The following LARP4 variants were observed in gnomAD, a reference collection of about 807,000 sequenced individuals.
LARP4 encodes the protein La ribonucleoprotein 4, also known as la-related protein 4.
Under a neutral mutation model 92.9 loss-of-function variants are expected in LARP4, and 29 were observed. The observed-to-expected ratio is 0.31, with a 90% CI of 0.23 to 0.43. LARP4 has a LOEUF of 0.43. Ranked by LOEUF, LARP4 falls within the 20% of genes least tolerant of loss-of-function variation. The pLI is 1.00. For missense variants in LARP4, 732 were observed against 860.0 expected (o/e 0.85, Z 1.86); for synonymous variants, 279 against 284.1 (o/e 0.98, Z 0.18).
chr12:50,457,113 A>C (rs1954410575), intron 10 of LARP4, among the ~76,000 whole-genome samples: 1 of 151,366 alleles, frequency 6.6e-6, no homozygotes, highest in East Asian at 1.9e-4. Flanking sequence ...CATGTTGGCC[A>C]GGATGGTCTC....
intron 2 of LARP4, among the ~76,000 whole-genome samples, chr12:50,428,153 C>T (rs925498277): frequency 7.2e-5 from 11 of 151,914 alleles, no homozygotes; most frequent in African/African-American, 2.7e-4. Context: ...CTGGCTTTAT[C>T]TCATGCCTGT....
chr12:50,445,737 T>A (rs1951905379), intron 8 of LARP4, among the ~76,000 whole-genome samples: 1 of 152,184 alleles, frequency 6.6e-6, no homozygotes, highest in African/African-American at 2.4e-5. Context: ...CAGTGAATAT[T>A]TTAGATGCTG....
At chr12:50,473,922 T>TA (rs1360819914) in intron 14 of LARP4, 77 bp from the exon 15 acceptor site, 13 of 1,311,016 alleles carry the variant, frequency 9.9e-6, no homozygotes, top group Admixed American at 6.3e-5. Context: ...AAAAAAAAAT[T>TA]ACGTTTTCTT....
chr12:50,452,327 G>C lies in LARP4; in HGVS notation c.805-1133G>C, dbSNP rs141855220. ...CTTCCAAGTAGCTGGGATTACAGGCGTGTGCCACCATGCCCAGCTGATTTT... is the reference window on the plus strand; with the variant it reads ...CTTCCAAGTAGCTGGGATTACAGGCCTGTGCCACCATGCCCAGCTGATTTT... On this transcript the variant is annotated intron_variant, in intron 8 of 15. Coordinates refer to ENST00000398473, the MANE Select transcript of LARP4 (RefSeq NM_052879.5). Among the ~76,000 whole-genome samples, 1,169 of 151,988 alleles carry C rather than the reference G, an allele frequency of 7.7e-3. 13 individuals are homozygous for C. The highest frequency in any genetic ancestry group is 0.026 in the African/African-American group (1,087 of 41,456).
Position 50,436,127 on chromosome 12 carries a change from GTGTGTGTGTGTGT to G in LARP4, c.535+504_535+516del, listed in dbSNP as rs1401436501. On this transcript the variant is annotated intron_variant, in intron 5 of 15. Transcript: ENST00000398473. ...GTGTGTGTGTGTGTGTGTGATATGTGTGTGTGTGTGTGTATATATCCCGCTGGGGTGTGTGTGT... is the reference window on the plus strand; with the variant it reads ...GTGTGTGTGTGTGTGTGTGATATGTGATATATCCCGCTGGGGTGTGTGTGT... Among the ~76,000 whole-genome samples the G allele has an allele frequency of 7.7e-3, 1,123 of 145,158 alleles. 17 individuals carry two copies. The highest frequency in any genetic ancestry group is 0.026 in the African/African-American group (998 of 38,802).
rs759458238 is a variant in LARP4 at position 50,473,509 on chromosome 12, C to T, written c.1640C>T (p.Pro547Leu). 2 of 1,613,460 alleles carry T rather than the reference C, an allele frequency of 1.2e-6. No individual in the cohort carries two copies. Among genetic ancestry groups the T allele is most frequent in the Non-Finnish European group, 1.7e-6 (2 of 1,179,588 alleles). The change falls in exon 14 of 16, where the codon CCA becomes CTA. Residue 547 changes from proline (P) to leucine (L), a missense_variant. Around this residue, in one of 7 missense-constraint regions of LARP4, gnomAD observed 97 missense variants for 85.9 expected, o/e 1.13. Transcript: ENST00000398473. Reference protein sequence around the residue: ...AQQLNMSTSSPCAAELTALST... With the variant: ...AQQLNMSTSSLCAAELTALST... The stretch of plus-strand genomic sequence containing the variant: ...CAACTCAATATGAGTACCAGTTCTC[C>T]ATGTGCTGCTGAGCTTACTGCATTA...
At chr12:50,467,595 G>T (rs1048867447) in intron 13 of LARP4, among the ~76,000 whole-genome samples, 33 of 152,006 alleles carry the variant, frequency 2.2e-4, no homozygotes, top group Admixed American at 5.9e-4. Flanking sequence ...GAGCCACCAC[G>T]CCCAGCCTTG....
intron 13 of LARP4, among the ~76,000 whole-genome samples, chr12:50,469,601 CAAA>C (rs757844912): frequency 1.5e-5 from 1 of 65,574 alleles, no homozygotes; most frequent in Admixed American, 2.2e-4. Flanking sequence ...GAGACTCTAT[CAAA>C]AAAAAAAAAA....
chr12:50,426,950 C>G (rs1399139865), intron 1 of LARP4, among the ~76,000 whole-genome samples: 1 of 151,886 alleles, frequency 6.6e-6, no homozygotes, highest in Non-Finnish European at 1.5e-5. Flanking sequence ...GTTGCCCAGG[C>G]TGGTCTCGAA....
intron 6 of LARP4, 112 bp downstream of exon 6, chr12:50,437,950 T>C (rs1950675920): frequency 1.6e-6 from 1 of 612,270 alleles, no homozygotes; most frequent in Non-Finnish European, 2.9e-6. Context: ...AAGCAAAGCA[T>C]AAGTCAGTGC....
At chr12:50,413,109 G>T (rs568590394) in intron 1 of LARP4, among the ~76,000 whole-genome samples, 2 of 151,804 alleles carry the variant, frequency 1.3e-5, no homozygotes, top group African/African-American at 4.8e-5. Context: ...TGTGATCCCA[G>T]CTACTCAGGA....
chr12:50,418,945 T>C (rs1592861639), intron 1 of LARP4, among the ~76,000 whole-genome samples: 1 of 152,194 alleles, frequency 6.6e-6, no homozygotes, highest in African/African-American at 2.4e-5. Flanking sequence ...GGTCTTGAAC[T>C]TGTAGTTTCA....
intron 10 of LARP4, among the ~76,000 whole-genome samples, chr12:50,455,376 A>T (rs1284141326): frequency 6.6e-6 from 1 of 152,200 alleles, no homozygotes; most frequent in Non-Finnish European, 1.5e-5. Flanking sequence ...ACACAGTATG[A>T]GTAACCAAAG....
At chr12:50,470,295 A>G (rs754123490) in intron 13 of LARP4, among the ~76,000 whole-genome samples, 20 of 151,886 alleles carry the variant, frequency 1.3e-4, no homozygotes, top group Non-Finnish European at 2.4e-4. Context: ...TTCTCATCTT[A>G]AGGTCTGCTT....
chr12:50,427,249 G>T (rs1948937278), intron 1 of LARP4, among the ~76,000 whole-genome samples: 1 of 152,268 alleles, frequency 6.6e-6, no homozygotes, highest in South Asian at 2.1e-4. Context: ...GAAAATTACT[G>T]TAGATAACTA....
chr12:50,464,118 T>C (rs771212578), intron 12 of LARP4, among the ~76,000 whole-genome samples: 1 of 152,210 alleles, frequency 6.6e-6, no homozygotes, highest in Non-Finnish European at 1.5e-5. Context: ...GCTCCACTCC[T>C]CAGTACCAAT....
chr12:50,449,834 A>T (rs951706793), intron 8 of LARP4, among the ~76,000 whole-genome samples: 1 of 148,322 alleles, frequency 6.7e-6, no homozygotes, highest in South Asian at 2.1e-4. Flanking sequence ...GGTTTTGAAT[A>T]TTTAAACATA....
chr12:50,421,053 G>A (rs556672950), intron 1 of LARP4, among the ~76,000 whole-genome samples: 10 of 143,062 alleles, frequency 7.0e-5, no homozygotes, highest in African/African-American at 2.3e-4. Context: ...GGGTTCAAGC[G>A]ATTCTACTGC....
Position 50,474,138 on chromosome 12 carries a change from A to G in LARP4, c.1807A>G (p.Ile603Val). The G allele has an allele frequency of 6.2e-7, 1 of 1,613,388 alleles. No individual in the cohort carries two copies. Among genetic ancestry groups the G allele is most frequent in the Non-Finnish European group, 8.5e-7 (1 of 1,179,786 alleles). ...TACTGCTTCACCATGTAATAATAAC[A>G]TAAATGCAGCTACAGCTGTGGCTCT... Reference protein sequence around the residue: ...ASTASPCNNNINAATAVALQE... With the variant: ...ASTASPCNNNVNAATAVALQE... Residue 603 changes from isoleucine to valine, a missense_variant, in exon 15 of 16, where the codon ATA becomes GTA. Ile to Val is a conservative substitution (Grantham distance 29, BLOSUM62 3). This residue lies in a region of LARP4 where 97 missense variants were observed against 85.9 expected (regional missense o/e 1.13). Coordinates refer to ENST00000398473, the MANE Select transcript of LARP4 (RefSeq NM_052879.5).
Sources: gnomAD v4.1 joint callset for allele counts (sites outside exome capture counted in the v4.1 genomes callset) on GRCh38, gnomAD v4.1.1 for gene constraint, gnomAD v4.1.1 regional missense constraint, MANE v1.5 for transcripts, NCBI Gene and HGNC (gene_info 2026-07-23, HGNC 2026-07-21) for gene names.